The following TRPS1 variants were observed in gnomAD, a reference collection of about 807,000 sequenced individuals.
TRPS1 encodes the protein zinc finger transcription factor Trps1.
In TRPS1, 6 loss-of-function variants were observed where a neutral mutation model predicts 101.2. The ratio of observed to expected loss-of-function variants is 0.06; its 90% CI spans 0.03 to 0.12. TRPS1 has a LOEUF of 0.12. Among genes scored for constraint, TRPS1 ranks in the 10% least tolerant of loss-of-function variants. The probability of loss-of-function intolerance (pLI) is 1.00; values close to 1 mark genes in which losing one functional copy is unlikely to be tolerated. For missense variants in TRPS1, 1,363 were observed against 1,567.0 expected (o/e 0.87, Z 2.20); for synonymous variants, 578 against 589.8 (o/e 0.98, Z 0.29).
chr8:115,623,707 T>C lies in TRPS1; in HGVS notation c.-70A>G. 1 of 1,588,328 alleles carries C rather than the reference T, an allele frequency of 6.3e-7. No homozygotes were observed. Among genetic ancestry groups the C allele is most frequent in the South Asian group, 1.1e-5 (1 of 88,558 alleles). On this transcript the variant is annotated 5_prime_UTR_variant, in exon 2 of 7. Coordinates refer to ENST00000395715, the MANE Select transcript of TRPS1 (RefSeq NM_014112.5). The stretch of plus-strand genomic sequence containing the variant: ...CTAGCAGGAGGCTAATGCAATTGTC[T>C]TAGAAGACGCTCAGAAGACACAGAA...
chr8:115,602,299 T>G (rs1209264498), intron 4 of TRPS1, among the ~76,000 whole-genome samples: 5 of 152,200 alleles, frequency 3.3e-5, no homozygotes, highest in Non-Finnish European at 7.3e-5. Context: ...ACTATCTGAT[T>G]TTTACATCAC....
intron 5 of TRPS1, among the ~76,000 whole-genome samples, chr8:115,451,262 T>C (rs921425396): frequency 6.6e-6 from 1 of 152,206 alleles, no homozygotes; most frequent in Non-Finnish European, 1.5e-5. Context: ...AATGTGGCTA[T>C]ATACACACAA....
chr8:115,447,080 T>C (rs562872851), intron 5 of TRPS1, among the ~76,000 whole-genome samples: 4 of 152,250 alleles, frequency 2.6e-5, no homozygotes, highest in African/African-American at 9.6e-5. Context: ...GGAACCTGTA[T>C]TTTTAGCCAT....
chr8:115,418,569 C>G lies in TRPS1; in HGVS notation c.2701-117G>C. On this transcript the variant is annotated intron_variant, in intron 5 of 6. Coordinates refer to ENST00000395715, the MANE Select transcript of TRPS1 (RefSeq NM_014112.5). The surrounding 1 kb of genome is among the most constrained non-coding windows in gnomAD (Gnocchi z 4.3). Reference sequence around the variant, plus strand: ...GCAACAATGACAGTATAAAACCACACTGCCCATAATGAGGTCAGGTTCAAT... The same window carrying G: ...GCAACAATGACAGTATAAAACCACAGTGCCCATAATGAGGTCAGGTTCAAT... 7.1e-7 allele frequency: 1 copy of G among 1,403,484 alleles called. No individual in the cohort carries two copies. The highest frequency in any genetic ancestry group is 1.0e-6 in the Non-Finnish European group (1 of 997,020). The allele number at this position is 1,403,484 out of a possible 1,614,324, so 86.9% of individuals were successfully genotyped here.
intron 5 of TRPS1, among the ~76,000 whole-genome samples, chr8:115,564,061 C>G (rs1817009970): frequency 6.6e-6 from 1 of 152,106 alleles, no homozygotes; most frequent in Admixed American, 6.6e-5. Context: ...GCTCAAATCT[C>G]ACTCCAATTA....
At chr8:115,653,864 G>T (rs140056646) in intron 1 of TRPS1, among the ~76,000 whole-genome samples, 18 of 152,268 alleles carry the variant, frequency 1.2e-4, no homozygotes, top group Non-Finnish European at 2.4e-4. Flanking sequence ...ACCTCCTCCA[G>T]CATTTCAAAG....
intron 5 of TRPS1, among the ~76,000 whole-genome samples, chr8:115,516,596 C>T (rs1363235018): frequency 6.6e-6 from 1 of 151,478 alleles, no homozygotes; most frequent in Non-Finnish European, 1.5e-5. Context: ...AAAGTTTAAC[C>T]GTTGCTTAAT....
intron 1 of TRPS1, among the ~76,000 whole-genome samples, chr8:115,633,199 G>C (rs1168707418): frequency 6.6e-6 from 1 of 152,044 alleles, no homozygotes; most frequent in Non-Finnish European, 1.5e-5. Context: ...AGGAAGAGAA[G>C]AGAAATTGAA....
At chr8:115,596,578 A>G (rs541051959) in intron 4 of TRPS1, among the ~76,000 whole-genome samples, 57 of 151,996 alleles carry the variant, frequency 3.8e-4, no homozygotes, top group Middle Eastern at 3.4e-3. Context: ...ATGGATAGAT[A>G]TAGATATGAT....
chr8:115,588,549 T>C (rs1290420262), intron 4 of TRPS1, among the ~76,000 whole-genome samples: 3 of 152,198 alleles, frequency 2.0e-5, no homozygotes, highest in Non-Finnish European at 2.9e-5. Context: ...CAGTGACTGC[T>C]ACATTAGGGC....
chr8:115,602,391 C>A (rs962233270), intron 4 of TRPS1, among the ~76,000 whole-genome samples: 79 of 152,274 alleles, frequency 5.2e-4, no homozygotes, highest in Non-Finnish European at 9.8e-4. Flanking sequence ...GTCTGCGAGC[C>A]TCAGAAATAA....
At chr8:115,638,410 T>G (rs1172684763) in intron 1 of TRPS1, among the ~76,000 whole-genome samples, 1 of 152,144 alleles carries the variant, frequency 6.6e-6, no homozygotes. Flanking sequence ...GTGCAATGAA[T>G]AAAATAGGTT....
chr8:115,419,252 A>T (rs1371958470), intron 5 of TRPS1, among the ~76,000 whole-genome samples: 2 of 152,184 alleles, frequency 1.3e-5, no homozygotes, highest in Admixed American at 1.3e-4. Context: ...CTAGATAATT[A>T]GTATTGCTTG....
chr8:115,626,512 G>T (rs1818512911), intron 1 of TRPS1, among the ~76,000 whole-genome samples: 1 of 151,696 alleles, frequency 6.6e-6, no homozygotes, highest in East Asian at 1.9e-4. Flanking sequence ...CTCAATGTCA[G>T]ATCCTGTTCT....
chr8:115,587,264 G>T lies in TRPS1; in HGVS notation c.2437C>A (p.Leu813Met). The change falls in exon 5 of 7, where the codon CTG becomes ATG. Residue 813 changes from leucine (L) to methionine (M), a missense_variant. This residue lies in a region of TRPS1 where 1,020 missense variants were observed against 1,073.0 expected (regional missense o/e 0.95). Transcript: ENST00000395715. ...RNVTWRGADI[L>M]RGSPSYTQAS... is the part of the protein sequence containing the mutation. ...TGGGTGTATGACGGACTCCCCCGCA[G>T]GATGTCTGCCCCTCTCCAAGTCACA... is the stretch of plus-strand genomic sequence containing the variant. 6.2e-7 allele frequency: 1 copy of T among 1,614,216 alleles called. No homozygotes were observed. The highest frequency in any genetic ancestry group is 8.5e-7 in the Non-Finnish European group (1 of 1,180,026).
intron 5 of TRPS1, among the ~76,000 whole-genome samples, chr8:115,539,977 G>C (rs892165827): frequency 2.0e-5 from 3 of 152,208 alleles, no homozygotes; most frequent in Middle Eastern, 3.2e-3. Context: ...AGTCTTTGCA[G>C]ATTGTTTTTC....
At chr8:115,417,833 G>T (rs942566960) in intron 6 of TRPS1, among the ~76,000 whole-genome samples, 1 of 152,138 alleles carries the variant, frequency 6.6e-6, no homozygotes, top group African/African-American at 2.4e-5. Flanking sequence ...ATTCAGTTCA[G>T]AACTGTCCTT....
chr8:115,541,393 A>G (rs1352067483), intron 5 of TRPS1, among the ~76,000 whole-genome samples: 1 of 152,212 alleles, frequency 6.6e-6, no homozygotes, highest in Non-Finnish European at 1.5e-5. Flanking sequence ...AAAGAACAGG[A>G]AACTATAGCT....
chr8:115,537,667 G>A (rs746382102), intron 5 of TRPS1, among the ~76,000 whole-genome samples: 13 of 152,240 alleles, frequency 8.5e-5, no homozygotes, highest in Admixed American at 2.6e-4. Flanking sequence ...TAACTTAGGA[G>A]AAAATACATA....
Sources: allele counts gnomAD v4.1 joint callset (sites outside exome capture counted in the v4.1 genomes callset), GRCh38; gene constraint gnomAD v4.1.1; regional missense constraint gnomAD v4.1.1; non-coding constraint Gnocchi (gnomAD v3.1); transcripts MANE v1.5; gene names NCBI Gene and HGNC (gene_info 2026-07-23, HGNC 2026-07-21).